Variants in ANK1 observed in about 807,000 individuals in gnomAD.
ANK1 encodes ankyrin 1, also known as ankyrin-1.
A neutral mutation model predicts 210.4 loss-of-function variants in ANK1; 51 were observed. The observed-to-expected ratio is 0.24, with a 90% CI of 0.19 to 0.31. The LOEUF (loss-of-function observed/expected upper bound fraction) is 0.31. Ranked by LOEUF, ANK1 falls within the 10% of genes least tolerant of loss-of-function variation. The probability of loss-of-function intolerance (pLI) is 1.00; values close to 1 mark genes in which losing one functional copy is unlikely to be tolerated. For synonymous variants in ANK1, 967 were observed against 1,025.9 expected (o/e 0.94, Z 1.10); for missense variants, 2,051 against 2,504.4 (o/e 0.82, Z 3.86).
chr8:41,688,944 C>T (rs1425041381), intron 33 of ANK1, among the ~76,000 whole-genome samples: 1 of 152,206 alleles, frequency 6.6e-6, no homozygotes, highest in African/African-American at 2.4e-5. Flanking sequence ...GTTCCTTGCC[C>T]AAGATCACCC....
At chr8:41,662,186 G>A (rs1808564609) in intron 40 of ANK1, among the ~76,000 whole-genome samples, 2 of 151,814 alleles carry the variant, frequency 1.3e-5, no homozygotes, top group African/African-American at 4.8e-5. Context: ...GAACCTGGTG[G>A]ATGGAGGTTG....
Position 41,716,943 on chromosome 8 carries a change from C to T in ANK1, c.1404+10G>A. The T allele has an allele frequency of 6.2e-7, 1 of 1,613,538 alleles. No homozygotes were observed. Among genetic ancestry groups the T allele is most frequent in the Non-Finnish European group, 8.5e-7 (1 of 1,179,784 alleles). ...TCTGAAACCCTTCCCTTCCTGCCTT[C>T]ACTACTCACCTTGGCCTTGGCATTG... On this transcript the variant is annotated intron_variant, in intron 13 of 42. Transcript: ENST00000289734.
At chr8:41,851,480 G>A (rs1811231938) in intron 1 of ANK1, among the ~76,000 whole-genome samples, 1 of 152,246 alleles carries the variant, frequency 6.6e-6, no homozygotes, top group African/African-American at 2.4e-5. Context: ...ACTGCTTCCT[G>A]CCCTTCCTGC....
chr8:41,827,334 T>C (rs1805560081), intron 1 of ANK1, among the ~76,000 whole-genome samples: 1 of 152,228 alleles, frequency 6.6e-6, no homozygotes, highest in South Asian at 2.1e-4. Context: ...GTGAATGAGA[T>C]GTATGCCTCC....
chr8:41,660,921 T>C (rs1371409409), intron 42 of ANK1: 5 of 284,228 alleles, frequency 1.8e-5, no homozygotes, highest in Non-Finnish European at 2.7e-5. Context: ...AACTCTCCTG[T>C]CCTCTTCAAT....
intron 10 of ANK1, among the ~76,000 whole-genome samples, chr8:41,718,658 T>C (rs1046431488): frequency 3.3e-5 from 5 of 152,242 alleles, no homozygotes; most frequent in African/African-American, 1.2e-4. Context: ...CAGAAATGTG[T>C]ATTTGTTTTT....
At chr8:41,782,049 T>C (rs1845448143) in intron 1 of ANK1, among the ~76,000 whole-genome samples, 2 of 152,140 alleles carry the variant, frequency 1.3e-5, no homozygotes, top group African/African-American at 4.8e-5. Flanking sequence ...TTTTAAAGGC[T>C]AGGCACAAAA....
intron 1 of ANK1, among the ~76,000 whole-genome samples, chr8:41,806,642 C>T (rs1851007575): frequency 6.6e-6 from 1 of 152,146 alleles, no homozygotes; most frequent in South Asian, 2.1e-4. Flanking sequence ...GAGTTAGAGG[C>T]TGCAGTGAAC....
intron 1 of ANK1, among the ~76,000 whole-genome samples, chr8:41,868,966 C>T (rs1814987153): frequency 6.6e-6 from 1 of 152,168 alleles, no homozygotes; most frequent in Admixed American, 6.5e-5. Flanking sequence ...AAAGCATGTC[C>T]TGATCATAAA....
In ANK1 at chr8:41,706,150, G is replaced by A. The variant is rs1486547831; in HGVS notation, c.2090C>T (p.Thr697Ile). The A allele has an allele frequency of 6.2e-7, 1 of 1,613,904 alleles. No homozygotes were observed. The highest frequency in any genetic ancestry group is 2.2e-5 in the East Asian group (1 of 44,876). ...LIKHGVMVDA[T>I]TRMGYTPLHV... The stretch of plus-strand genomic sequence containing the variant: ...TCCGGCTGCCTGCCTTACCCGGGTG[G>A]TGGCGTCCACCATGACGCCGTGTTT... The change falls in exon 18 of 43, where the codon ACC becomes ATC. Residue 697 changes from threonine to isoleucine, a missense_variant. By Grantham distance (89) the Thr-to-Ile change is moderately conservative (BLOSUM62 -1). Transcript: ENST00000289734.
chr8:41,713,187 G>A (rs1826648690), intron 16 of ANK1, among the ~76,000 whole-genome samples: 1 of 152,238 alleles, frequency 6.6e-6, no homozygotes, highest in South Asian at 2.1e-4. Context: ...TTGGATGCCT[G>A]CCACATGACG....
intron 1 of ANK1, among the ~76,000 whole-genome samples, chr8:41,836,727 C>T (rs997917060): frequency 2.0e-5 from 3 of 152,080 alleles, no homozygotes; most frequent in East Asian, 3.9e-4. Flanking sequence ...GCCTGGGCAA[C>T]ATAGTGAGAC....
rs1822815291 is a variant in ANK1 at position 41,701,567 on chromosome 8, T to A, written c.2444A>T (p.Asp815Val). 6.2e-7 allele frequency: 1 copy of A among 1,614,116 alleles called. No individual in the cohort carries two copies. ...SFPETVDEIL[D>V]VSEDEGEELI... ...AACGTTACCTTCATCTTCCGAGACATCCAGGATCTCATCAACTGTCTCAGG... is the reference window on the plus strand; with the variant it reads ...AACGTTACCTTCATCTTCCGAGACAACCAGGATCTCATCAACTGTCTCAGG... The change falls in exon 22 of 43, where the codon GAT becomes GTT. Residue 815 changes from aspartate to valine, a missense_variant. Asp to Val is a radical substitution (Grantham distance 152). This residue lies in a region of ANK1 where 1,413 missense variants were observed against 1,707.4 expected (regional missense o/e 0.83). Transcript: ENST00000289734.
chr8:41,699,053 T>C (rs1277522076), intron 23 of ANK1, among the ~76,000 whole-genome samples: 1 of 152,046 alleles, frequency 6.6e-6, no homozygotes, highest in African/African-American at 2.4e-5. Flanking sequence ...CCTGCCTCAG[T>C]CTCCCAAAGT....
chr8:41,803,045 A>AAGAAAGAAAG (rs1563810523), intron 1 of ANK1, among the ~76,000 whole-genome samples: 14 of 71,624 alleles, frequency 2.0e-4, no homozygotes, highest in African/African-American at 7.9e-4. Flanking sequence ...AAGAAAGAGA[A>AAGAAAGAAAG]AGAAAGAAAG....
At chr8:41,737,082 T>C (rs1833623508) in intron 2 of ANK1, among the ~76,000 whole-genome samples, 1 of 152,180 alleles carries the variant, frequency 6.6e-6, no homozygotes, top group African/African-American at 2.4e-5. Flanking sequence ...CCGGATCACT[T>C]GAGGGCAGGA....
intron 1 of ANK1, among the ~76,000 whole-genome samples, chr8:41,885,224 G>C (rs187465687): frequency 6.6e-6 from 1 of 152,090 alleles, no homozygotes; most frequent in Non-Finnish European, 1.5e-5. Context: ...GATGGTGCTC[G>C]GTACAGAATC....
intron 3 of ANK1, among the ~76,000 whole-genome samples, chr8:41,731,868 C>T (rs555404272): frequency 8.5e-5 from 13 of 152,358 alleles, no homozygotes; most frequent in African/African-American, 2.4e-4. Context: ...CTCCGGCACA[C>T]GCGGGGCAGG....
At chr8:41,896,314 G>A (rs774053666) in intron 1 of ANK1, 1 of 1,575,480 alleles carries the variant, frequency 6.3e-7, no homozygotes, top group South Asian at 1.1e-5. Context: ...GCCACTTGCA[G>A]GTGCCGCGGT....
Sources: gnomAD v4.1 joint callset for allele counts (sites outside exome capture counted in the v4.1 genomes callset) on GRCh38, gnomAD v4.1.1 for gene constraint, gnomAD v4.1.1 regional missense constraint, MANE v1.5 for transcripts, NCBI Gene and HGNC (gene_info 2026-07-23, HGNC 2026-07-21) for gene names.